NUDT7: variants seen among roughly 807,000 people sequenced by gnomAD.
NUDT7 encodes the protein peroxisomal coenzyme A diphosphatase NUDT7.
In NUDT7, 19 loss-of-function variants were observed where a neutral mutation model predicts 13.1. The observed-to-expected ratio is 1.45, with a 90% CI of 1.01 to 2.13. The LOEUF is 2.13. Among genes scored for constraint, NUDT7 ranks in the 30% most tolerant of loss-of-function variants. NUDT7 has a pLI of 0.00. For missense variants in NUDT7, 360 were observed against 291.7 expected (o/e 1.23, Z -1.71); for synonymous variants, 132 against 109.7 (o/e 1.20, Z -1.27).
At chr16:77,736,215 C>T in intron 3 of NUDT7, 1 of 466,906 alleles carries the variant, frequency 2.1e-6, no homozygotes, top group Non-Finnish European at 3.8e-6. Context: ...GTTGAACTCC[C>T]ATCAGTGGAT....
At chr16:77,733,733 G>T (rs1202337025) in intron 2 of NUDT7, among the ~76,000 whole-genome samples, 1 of 152,198 alleles carries the variant, frequency 6.6e-6, no homozygotes. Flanking sequence ...TCACAGCTCT[G>T]TGAGGAGCAC....
chr16:77,738,828 A>G (rs1404662267), intron 3 of NUDT7, among the ~76,000 whole-genome samples: 1 of 152,202 alleles, frequency 6.6e-6, no homozygotes, highest in Non-Finnish European at 1.5e-5. Flanking sequence ...ACTTTTTGCA[A>G]AGGTCTCTGA....
intron 2 of NUDT7, among the ~76,000 whole-genome samples, chr16:77,734,235 G>A (rs1246519287): frequency 2.6e-5 from 4 of 152,128 alleles, no homozygotes; most frequent in African/African-American, 9.7e-5. Context: ...TTAAACACTG[G>A]TTTATATTCC....
At position 77,722,717 on chromosome 16, in the gene NUDT7, C is replaced by T. The variant is rs976598155; in HGVS notation, c.35+100C>T. 3.4e-5 allele frequency: 37 copies of T among 1,096,258 alleles called. 2 individuals carry two copies. The South Asian group carries it at 5.0e-4, about 15-fold the overall frequency. 67.9% of individuals were successfully genotyped at this position (1,096,258 alleles called of 1,614,324 possible). A position where few individuals can be genotyped will look rare whatever the true frequency, so the allele number is the denominator to read the frequency against. ...CTTTTGGCCGGGACTGATTTTGCAG[C>T]TCCCGCCAGTCCACCTGCGAGCGCC... On this transcript the variant is annotated intron_variant, in intron 1 of 3. Coordinates refer to ENST00000268533, the MANE Select transcript of NUDT7 (RefSeq NM_001105663.3).
chr16:77,741,579 T>G lies in NUDT7; in HGVS notation c.349-3T>G. ...ATTTGTCTGTTTTGTTTTCTGCTTT[T>G]AGACAGATACATTGATAACTCCATT... On this transcript the variant is annotated splice_region_variant and splice_polypyrimidine_tract_variant and intron_variant, in intron 3 of 3. Transcript: ENST00000268533. 6.3e-7 allele frequency: 1 copy of G among 1,595,714 alleles called. No homozygotes were observed. The highest frequency in any genetic ancestry group is 8.5e-7 in the Non-Finnish European group (1 of 1,173,970).
At chr16:77,739,014 G>A (rs1470676597) in intron 3 of NUDT7, among the ~76,000 whole-genome samples, 3 of 152,188 alleles carry the variant, frequency 2.0e-5, no homozygotes, top group Non-Finnish European at 2.9e-5. Context: ...CTAGGTGCCC[G>A]TAAGTTGTGG....
intron 3 of NUDT7, among the ~76,000 whole-genome samples, chr16:77,738,718 G>A (rs1247216566): frequency 6.6e-6 from 1 of 152,154 alleles, no homozygotes; most frequent in Non-Finnish European, 1.5e-5. Flanking sequence ...ACCTATGTAT[G>A]TATGCACCTA....
rs2014686658 is a variant in NUDT7 at position 77,742,084 on chromosome 16, C to A, written c.*134C>A. ...CTGCAGTATGTAGTTAGAATCCTTGCCTCTTTTCCAGTTGCCTTCTATTGT... is the reference window on the plus strand; with the variant it reads ...CTGCAGTATGTAGTTAGAATCCTTGACTCTTTTCCAGTTGCCTTCTATTGT... On this transcript the variant is annotated 3_prime_UTR_variant, in exon 4 of 4. Coordinates refer to ENST00000268533, the MANE Select transcript of NUDT7 (RefSeq NM_001105663.3). 1.4e-6 allele frequency: 2 copies of A among 1,429,548 alleles called. No individual in the cohort carries two copies. Among genetic ancestry groups the A allele is most frequent in the Non-Finnish European group, 1.8e-6 (2 of 1,098,950 alleles). 88.6% of individuals were successfully genotyped at this position (1,429,548 alleles called of 1,614,324 possible).
intron 3 of NUDT7, among the ~76,000 whole-genome samples, chr16:77,740,972 A>G (rs547964688): frequency 8.9e-4 from 136 of 152,336 alleles, no homozygotes; most frequent in African/African-American, 3.0e-3. Flanking sequence ...TTATATATAT[A>G]TGTGTATGTA....
rs541522640 is a variant in NUDT7, at chr16:77,727,577, G to A, written c.189+1993G>A. On this transcript the variant is annotated intron_variant, in intron 2 of 3. Transcript: ENST00000268533. Reference sequence around the variant, plus strand: ...TTTTTTAAAATTATCAGATATGGCCGTGTGCGGTGGCTCACGCCTGTAATC... The same window carrying A: ...TTTTTTAAAATTATCAGATATGGCCATGTGCGGTGGCTCACGCCTGTAATC... Among the ~76,000 whole-genome samples the A allele has an allele frequency of 3.6e-3, 554 of 152,342 alleles. 2 individuals carry two copies. Among genetic ancestry groups the A allele is most frequent in the African/African-American group, 0.013 (522 of 41,582 alleles).
rs773200142 is a variant in NUDT7 at position 77,735,923 on chromosome 16, G to A, written c.285G>A (p.Glu95=). The A allele has an allele frequency of 6.8e-6, 11 of 1,614,042 alleles. No homozygotes were observed. The Admixed American group carries it at 1.7e-4, about 24-fold the overall frequency. Residue 95 remains glutamate (E), a synonymous_variant, in exon 3 of 4, where the codon GAG becomes GAA. Transcript: ENST00000268533. The part of the protein sequence containing the change: ...DAATALREAQ[E]EVGLRPHQVE... ...CCACAGCTCTCCGGGAAGCCCAGGAGGAAGTGGGTCTCCGTCCTCACCAAG... is the reference window on the plus strand; with the variant it reads ...CCACAGCTCTCCGGGAAGCCCAGGAAGAAGTGGGTCTCCGTCCTCACCAAG...
chr16:77,730,711 A>G (rs1392628708), intron 2 of NUDT7, among the ~76,000 whole-genome samples: 2 of 152,090 alleles, frequency 1.3e-5, no homozygotes, highest in African/African-American at 2.4e-5. Flanking sequence ...TGATTGTACT[A>G]ATTTACATTC....
In NUDT7 at chr16:77,741,859, C is replaced by T. The variant is rs926641120; in HGVS notation, c.626C>T (p.Thr209Ile). 1.9e-6 allele frequency: 3 copies of T among 1,614,088 alleles called. No individual in the cohort carries two copies. The highest frequency in any genetic ancestry group is 3.3e-5 in the Admixed American group (2 of 60,012). ...VAFIILEKKP[T>I]FEVQFNLNDV... ...TTTATCATTTTGGAAAAAAAACCCA[C>T]CTTTGAGGTTCAATTTAATCTTAAT... The change falls in exon 4 of 4, where the codon ACC becomes ATC. Residue 209 changes from threonine (T) to isoleucine (I), a missense_variant. By Grantham distance (89) the Thr-to-Ile change is moderately conservative. Transcript: ENST00000268533.
intron 1 of NUDT7, 50 bp downstream of exon 1, chr16:77,722,667 T>C: frequency 6.5e-7 from 1 of 1,545,178 alleles, no homozygotes; most frequent in Non-Finnish European, 8.8e-7. Flanking sequence ...GGCCCGGCCT[T>C]GATCGTAGCG....
At chr16:77,723,956 C>G (rs8057962) in intron 1 of NUDT7, among the ~76,000 whole-genome samples, 18,736 of 152,172 alleles carry the variant, frequency 0.12, 1,345 homozygotes, top group African/African-American at 0.19. Context: ...CTATGCAAAG[C>G]TGCCTTCCCA....
In NUDT7 at chr16:77,735,367, C is replaced by G; in HGVS notation, c.190-461C>G. Reference sequence around the variant, plus strand: ...TTGTTTAAAAGTGTGTAGCACCTCCCCTCCCTCTCTCTGTCTCCCGCTCCA... The same window carrying G: ...TTGTTTAAAAGTGTGTAGCACCTCCGCTCCCTCTCTCTGTCTCCCGCTCCA... On this transcript the variant is annotated intron_variant, in intron 2 of 3. Transcript: ENST00000268533. The G allele has an allele frequency of 5.6e-6, 3 of 537,564 alleles. No homozygotes were observed. In the East Asian group the frequency reaches 8.9e-5, roughly 16 times the overall value. The allele number at this position is 537,564 out of a possible 1,614,324, so 33.3% of individuals were successfully genotyped here.
intron 2 of NUDT7, among the ~76,000 whole-genome samples, chr16:77,725,985 G>T (rs1175467839): frequency 1.3e-5 from 2 of 152,148 alleles, no homozygotes; most frequent in Non-Finnish European, 2.9e-5. Flanking sequence ...TGTCCAGTAT[G>T]CCAGTAGCAC....
intron 2 of NUDT7, among the ~76,000 whole-genome samples, chr16:77,727,940 C>A (rs1187672022): frequency 6.6e-6 from 1 of 152,074 alleles, no homozygotes; most frequent in Admixed American, 6.5e-5. Context: ...CTAGACAATA[C>A]TACAAACTCA....
chr16:77,738,385 G>C (rs2014555281), intron 3 of NUDT7, among the ~76,000 whole-genome samples: 1 of 152,160 alleles, frequency 6.6e-6, no homozygotes, highest in South Asian at 2.1e-4. Context: ...GTGATTGAGA[G>C]ATTAAACAAA....
Sources: allele counts gnomAD v4.1 joint callset (sites outside exome capture counted in the v4.1 genomes callset), GRCh38; gene constraint gnomAD v4.1.1; transcripts MANE v1.5; gene names NCBI Gene and HGNC (gene_info 2026-07-23, HGNC 2026-07-21).